Variants in STK32C observed in about 807,000 individuals in gnomAD.
The protein encoded by STK32C is serine/threonine-protein kinase 32C.
Under a neutral mutation model 56.5 loss-of-function variants are expected in STK32C, and 31 were observed. That is an observed-to-expected ratio of 0.55 (90% CI 0.41 to 0.74). The LOEUF (loss-of-function observed/expected upper bound fraction) is 0.74, where lower values mean the gene tolerates loss of function less well. Among genes scored for constraint, STK32C ranks in the 30% least tolerant of loss-of-function variants. The pLI, the probability that STK32C is intolerant of heterozygous loss-of-function variation, is 0.00. For missense variants in STK32C, 544 were observed against 676.9 expected (o/e 0.80, Z 2.18); for synonymous variants, 309 against 289.4 (o/e 1.07, Z -0.69).
intron 1 of STK32C, among the ~76,000 whole-genome samples, chr10:132,299,633 G>A (rs1281270635): frequency 6.6e-6 from 1 of 152,254 alleles, no homozygotes; most frequent in Non-Finnish European, 1.5e-5. Context: ...TCCCACAGAC[G>A]TCATGCAGAG....
At position 132,307,930 on chromosome 10, in the gene STK32C, G is replaced by A. The variant is rs1278651280; in HGVS notation, c.-97C>T. The A allele has an allele frequency of 9.3e-7, 1 of 1,074,178 alleles. No homozygotes were observed. The highest frequency in any genetic ancestry group is 1.7e-5 in the African/African-American group (1 of 57,642). The allele number at this position is 1,074,178 out of a possible 1,614,324, so 66.5% of individuals were successfully genotyped here. ...GTAGCGGGAGCGCTCGGGGCCGGCAGCGCCCGCCGTGCGCTCTTCTGGGCG... is the reference window on the plus strand; with the variant it reads ...GTAGCGGGAGCGCTCGGGGCCGGCAACGCCCGCCGTGCGCTCTTCTGGGCG... On this transcript the variant is annotated 5_prime_UTR_variant, in exon 1 of 12. Coordinates refer to ENST00000298630, the MANE Select transcript of STK32C (RefSeq NM_173575.4). The surrounding 1 kb of genome is among the most constrained non-coding windows in gnomAD (Gnocchi z 4.4).
chr10:132,271,479 C>T (rs959232163), intron 1 of STK32C, among the ~76,000 whole-genome samples: 2 of 152,194 alleles, frequency 1.3e-5, no homozygotes, highest in Non-Finnish European at 1.5e-5. Flanking sequence ...TCACTGGGCA[C>T]CTGAGGCTGG....
intron 2 of STK32C, among the ~76,000 whole-genome samples, chr10:132,238,730 G>A (rs2137848208): frequency 6.6e-6 from 1 of 152,274 alleles, no homozygotes; most frequent in South Asian, 2.1e-4. Context: ...GGTCAGCAAG[G>A]CCCTGACATT....
At chr10:132,281,045 C>T (rs974691711) in intron 1 of STK32C, among the ~76,000 whole-genome samples, 1 of 151,932 alleles carries the variant, frequency 6.6e-6, no homozygotes, top group Admixed American at 6.6e-5. Flanking sequence ...ACTCCGTGAT[C>T]ACACCCCTGC....
intron 1 of STK32C, among the ~76,000 whole-genome samples, chr10:132,279,721 C>CTGATCACACCACTGCACTCCG (rs1227698435): frequency 9.6e-5 from 6 of 62,400 alleles, no homozygotes; most frequent in Admixed American, 3.9e-4. Flanking sequence ...ACTCCACTCC[C>CTGATCACACCACTGCACTCCG]TGATCACACC....
chr10:132,281,730 G>A (rs141617830), intron 1 of STK32C, among the ~76,000 whole-genome samples: 20 of 152,334 alleles, frequency 1.3e-4, no homozygotes, highest in African/African-American at 2.4e-4. Flanking sequence ...CCCGGGAGAC[G>A]AAAAGACAGA....
At chr10:132,260,216 C>A (rs2064256851) in intron 1 of STK32C, among the ~76,000 whole-genome samples, 1 of 152,218 alleles carries the variant, frequency 6.6e-6, no homozygotes, top group Non-Finnish European at 1.5e-5. Context: ...TCAGGGACAG[C>A]AATGGCCTCA....
At chr10:132,267,574 C>T (rs529997878) in intron 1 of STK32C, among the ~76,000 whole-genome samples, 6 of 137,388 alleles carry the variant, frequency 4.4e-5, no homozygotes, top group Non-Finnish European at 7.7e-5. Context: ...AGTCCCACAT[C>T]GTGTGTGTGT....
intron 1 of STK32C, among the ~76,000 whole-genome samples, chr10:132,248,155 G>A (rs1247859008): frequency 2.6e-5 from 4 of 152,224 alleles, no homozygotes; most frequent in South Asian, 2.1e-4. Flanking sequence ...CCCGGGCCGC[G>A]GCCGCACAGG....
intron 2 of STK32C, among the ~76,000 whole-genome samples, chr10:132,245,379 T>G (rs1176481501): frequency 6.6e-6 from 1 of 152,242 alleles, no homozygotes; most frequent in East Asian, 1.9e-4. Flanking sequence ...CTCTAGATAT[T>G]ACAAGGCGGC....
downstream of STK32C, among the ~76,000 whole-genome samples, chr10:132,322,002 T>C (rs552071451): frequency 6.6e-6 from 1 of 152,132 alleles, no homozygotes; most frequent in Non-Finnish European, 1.5e-5. Flanking sequence ...CCCCAGATGC[T>C]CCCAAGATAT....
intron 1 of STK32C, among the ~76,000 whole-genome samples, chr10:132,269,431 T>G (rs573121942): frequency 1.3e-5 from 2 of 152,174 alleles, no homozygotes; most frequent in Non-Finnish European, 2.9e-5. Flanking sequence ...TCCCCTGAGC[T>G]CAGGGCTGCC....
chr10:132,263,145 G>A (rs2064360304), intron 1 of STK32C, among the ~76,000 whole-genome samples: 1 of 152,226 alleles, frequency 6.6e-6, no homozygotes, highest in Admixed American at 6.5e-5. Context: ...GCATTCGTGT[G>A]TTCATTGTGG....
rs533769437 is a variant in STK32C, at chr10:132,280,897, G to A, written c.262+26675C>T. The stretch of plus-strand genomic sequence containing the variant: ...CCACGCCCCTGCACTCCGTGACCAC[G>A]CCCCTGCATCCTGTGACCATGCCCC... On this transcript the variant is annotated intron_variant, in intron 1 of 11. Transcript: ENST00000298630. Among the ~76,000 whole-genome samples the A allele has an allele frequency of 2.7e-5, 4 of 146,468 alleles. No individual in the cohort carries two copies. The South Asian group carries it at 6.6e-4, about 24-fold the overall frequency.
intron 2 of STK32C, among the ~76,000 whole-genome samples, chr10:132,236,495 G>A (rs1330713726): frequency 2.0e-5 from 3 of 152,358 alleles, no homozygotes; most frequent in Admixed American, 6.5e-5. Context: ...TGGGCCCAGC[G>A]CAGTGGCGAG....
At chr10:132,329,530 CA>C (rs2066591835) in intron 1 of STK32C, among the ~76,000 whole-genome samples, 1 of 152,092 alleles carries the variant, frequency 6.6e-6, no homozygotes, top group Non-Finnish European at 1.5e-5. Context: ...AGAAATTAGA[CA>C]CAAAAAAGAA....
chr10:132,244,089 G>A (rs966028313), intron 2 of STK32C, among the ~76,000 whole-genome samples: 2 of 152,172 alleles, frequency 1.3e-5, no homozygotes, highest in African/African-American at 4.8e-5. Flanking sequence ...CATTGCCTTG[G>A]CCAGTGAAAG....
At chr10:132,224,646 C>T in intron 7 of STK32C, 123 bp from the exon 8 acceptor site, 5 of 723,166 alleles carry the variant, frequency 6.9e-6, no homozygotes, top group Non-Finnish European at 1.2e-5. Context: ...GCAGGCACAG[C>T]TCTGAGCACA....
chr10:132,218,583 C>G (rs914508142), intron 10 of STK32C, among the ~76,000 whole-genome samples: 1 of 152,126 alleles, frequency 6.6e-6, no homozygotes, highest in Non-Finnish European at 1.5e-5. Flanking sequence ...AATTAGAACC[C>G]TCACACACTG....
Sources: gnomAD v4.1 joint callset for allele counts (sites outside exome capture counted in the v4.1 genomes callset) on GRCh38, gnomAD v4.1.1 for gene constraint, Gnocchi (gnomAD v3.1) non-coding constraint, MANE v1.5 for transcripts, NCBI Gene and HGNC (gene_info 2026-07-23, HGNC 2026-07-21) for gene names.